The following SPDYE18 variants were observed in gnomAD, a reference collection of about 807,000 sequenced individuals.
SPDYE18 encodes the protein speedy protein E18.
Under a neutral mutation model 44.9 loss-of-function variants are expected in SPDYE18, and 6 were observed. That is an observed-to-expected ratio of 0.13 (90% confidence interval 0.07 to 0.26). The LOEUF is 0.26. Ranked by LOEUF, SPDYE18 falls within the 10% of genes least tolerant of loss-of-function variation. SPDYE18 has a pLI of 1.00. For missense variants in SPDYE18, 121 were observed against 463.2 expected (o/e 0.26, Z 6.78); for synonymous variants, 35 against 177.1 (o/e 0.20, Z 6.37).
Position 77,051,834 on chromosome 7 carries a change from A to G in SPDYE18, c.*91T>C, listed in dbSNP as rs1372753958. ...TCCTGTTGTCTGCCATTAGCATTGG[A>G]ATAAAGTTCCTGCTGAAAATCCACA... On this transcript the variant is annotated 3_prime_UTR_variant, in exon 9 of 9. Coordinates refer to ENST00000510091, the MANE Select transcript of SPDYE18 (RefSeq NM_001394953.1). 6.6e-6 allele frequency among the ~76,000 whole-genome samples: 1 copy of G among 151,828 alleles called. No homozygotes were observed. Among genetic ancestry groups the G allele is most frequent in the Non-Finnish European group, 1.5e-5 (1 of 67,976 alleles).
chr7:77,052,193 C>G (rs1363722184), intron 8 of SPDYE18, among the ~76,000 whole-genome samples: 3 of 148,082 alleles, frequency 2.0e-5, no homozygotes, highest in Admixed American at 7.0e-5. Flanking sequence ...TTCATCATAG[C>G]TGGGGCCTTT....
chr7:77,056,966 C>T (rs1789932676), intron 4 of SPDYE18, among the ~76,000 whole-genome samples: 1 of 152,196 alleles, frequency 6.6e-6, no homozygotes, highest in East Asian at 1.9e-4. Context: ...GCCTTGGGAT[C>T]CCCCACTATG....
Position 77,060,241 on chromosome 7 carries a change from C to T in SPDYE18, c.160+112G>A. 4.0e-5 allele frequency: 59 copies of T among 1,492,180 alleles called. 1 individual carries two copies. Among genetic ancestry groups the T allele is most frequent in the Non-Finnish European group, 5.2e-5 (59 of 1,124,716 alleles). The allele number at this position is 1,492,180 out of a possible 1,614,324, so 92.4% of individuals were successfully genotyped here. On this transcript the variant is annotated intron_variant, in intron 2 of 8. Transcript: ENST00000510091. Reference sequence around the variant, plus strand: ...TGAACTCCTGACCTCAGGTGATTCGCCCGCCTCGGCCTCCCAAAGTGCTGG... The same window carrying T: ...TGAACTCCTGACCTCAGGTGATTCGTCCGCCTCGGCCTCCCAAAGTGCTGG...
Position 77,053,127 on chromosome 7 carries a change from G to T in SPDYE18, c.832C>A (p.Arg278Ser), listed in dbSNP as rs549165859. The change falls in exon 7 of 9, where the codon CGC (arginine) becomes AGC (serine). Residue 278 changes from arginine to serine, a missense_variant. Transcript: ENST00000510091. ...TTACGGACCAAGGGTATGCGAGAGCGGGTCTTCCCATACAGGAAGTAGAAG... is the reference window on the plus strand; with the variant it reads ...TTACGGACCAAGGGTATGCGAGAGCTGGTCTTCCCATACAGGAAGTAGAAG... ...NIFYFLYGKT[R>S]SRIPLVRNRR... 6.2e-7 allele frequency: 1 copy of T among 1,614,162 alleles called. No individual in the cohort carries two copies. Among genetic ancestry groups the T allele is most frequent in the Non-Finnish European group, 8.5e-7 (1 of 1,180,018 alleles).
At chr7:77,054,597 T>C (rs556299454) in intron 6 of SPDYE18, among the ~76,000 whole-genome samples, 303 of 152,174 alleles carry the variant, frequency 2.0e-3, no homozygotes, top group Admixed American at 7.5e-3. Context: ...TCGATGGCGT[T>C]TGTGGTTGAT....
Position 77,060,801 on chromosome 7 carries a change from T to C in SPDYE18, c.-289A>G, listed in dbSNP as rs1445200604. ...CTGCCACTGTCCCAACCTCAGACCATTGTCCAAAAGCATCTTCAGGGACTC... is the reference window on the plus strand; with the variant it reads ...CTGCCACTGTCCCAACCTCAGACCACTGTCCAAAAGCATCTTCAGGGACTC... On this transcript the variant is annotated 5_prime_UTR_variant, in exon 2 of 9. It removes an upstream start codon present in the reference 5' UTR. Transcript: ENST00000510091. Among the ~76,000 whole-genome samples, 3 of 150,724 alleles carry C rather than the reference T, an allele frequency of 2.0e-5. No individual in the cohort carries two copies. Among genetic ancestry groups the C allele is most frequent in the Non-Finnish European group, 4.4e-5 (3 of 67,730 alleles).
intron 6 of SPDYE18, among the ~76,000 whole-genome samples, chr7:77,054,662 G>A (rs1179037031): frequency 2.6e-5 from 4 of 152,202 alleles, no homozygotes; most frequent in Admixed American, 1.3e-4. Context: ...TGGAGGAAGC[G>A]GCATGTCCGC....
intron 6 of SPDYE18, among the ~76,000 whole-genome samples, chr7:77,053,914 G>T (rs1789867802): frequency 6.8e-6 from 1 of 146,542 alleles, no homozygotes; most frequent in African/African-American, 2.5e-5. Flanking sequence ...AGAAGCTGAG[G>T]TGGGAGGATC....
At chr7:77,058,553 A>G (rs1237183551) in intron 3 of SPDYE18, among the ~76,000 whole-genome samples, 1 of 140,678 alleles carries the variant, frequency 7.1e-6, no homozygotes, top group Non-Finnish European at 1.6e-5. Flanking sequence ...CTCACCCAGA[A>G]TGGAATGCAG....
intron 2 of SPDYE18, among the ~76,000 whole-genome samples, chr7:77,060,139 G>C (rs1330305426): frequency 6.7e-6 from 1 of 150,148 alleles, no homozygotes; most frequent in Admixed American, 6.7e-5. Context: ...GGGATTACAG[G>C]TGTGCACCAC....
chr7:77,060,384 C>G lies in SPDYE18; in HGVS notation c.129G>C (p.Glu43Asp). Residue 43 changes from glutamate (E) to aspartate (D), a missense_variant, in exon 2 of 9, where the codon GAG (glutamate) becomes GAC (aspartate). Glu to Asp is a conservative substitution (Grantham distance 45). Transcript: ENST00000510091. ...QRSTSGYPLQ[E>D]VVDDEVLGPS... ...GTCCCAACACTTCATCATCCACCAC[C>G]TCCTGGAGGGGGTACCCCGAGGTGC... The G allele has an allele frequency of 6.5e-7, 1 of 1,535,526 alleles. No individual in the cohort carries two copies. The highest frequency in any genetic ancestry group is 8.7e-7 in the Non-Finnish European group (1 of 1,146,894).
intron 5 of SPDYE18, 98 bp from the exon 6 acceptor site, chr7:77,055,419 C>T (rs1789903345): frequency 1.2e-6 from 1 of 838,586 alleles, no homozygotes; most frequent in African/African-American, 1.7e-5. Flanking sequence ...GGCTGCCCAT[C>T]AGAGAAGGGA....
rs1789770463 is a variant in SPDYE18 at position 77,050,618 on chromosome 7, G to A, written c.*1307C>T. Among the ~76,000 whole-genome samples, 1 of 151,978 alleles carries A rather than the reference G, an allele frequency of 6.6e-6. No individual in the cohort carries two copies. ...AAAATTTATTTTTACAAGAATTTAGGGGAACTACTACATAGCTATAAATGT... is the reference window on the plus strand; with the variant it reads ...AAAATTTATTTTTACAAGAATTTAGAGGAACTACTACATAGCTATAAATGT... On this transcript the variant is annotated 3_prime_UTR_variant, in exon 9 of 9. Coordinates refer to ENST00000510091, the MANE Select transcript of SPDYE18 (RefSeq NM_001394953.1).
rs553273957 is a variant in SPDYE18, at chr7:77,050,675, A to C, written c.*1250T>G. Among the ~76,000 whole-genome samples the C allele has an allele frequency of 9.9e-5, 15 of 152,280 alleles. No homozygotes were observed. Among genetic ancestry groups the C allele is most frequent in the Non-Finnish European group, 2.2e-4 (15 of 68,018 alleles). ...TATGTTAACTAAGTATCACAGATAA[A>C]AACCATGCTCCCTTCAGCAGCACGT... On this transcript the variant is annotated 3_prime_UTR_variant, in exon 9 of 9. Coordinates refer to ENST00000510091, the MANE Select transcript of SPDYE18 (RefSeq NM_001394953.1).
chr7:77,055,150 A>G, intron 6 of SPDYE18, 86 bp downstream of exon 6: 1 of 601,150 alleles, frequency 1.7e-6, no homozygotes. Context: ...AAATAGGTGA[A>G]AGAATAAATG....
chr7:77,056,513 G>T lies in SPDYE18; in HGVS notation c.669+37C>A, dbSNP rs1303440220. Reference sequence around the variant, plus strand: ...AGCTGCGCCCTCCCCCCAGCCATGCGTTGGAACAGGAACAGTTACATGGAG... The same window carrying T: ...AGCTGCGCCCTCCCCCCAGCCATGCTTTGGAACAGGAACAGTTACATGGAG... On this transcript the variant is annotated intron_variant, in intron 5 of 8. Coordinates refer to ENST00000510091, the MANE Select transcript of SPDYE18 (RefSeq NM_001394953.1). The T allele has an allele frequency of 6.0e-6, 4 of 667,962 alleles. No homozygotes were observed. The Admixed American group carries it at 9.1e-5, about 15-fold the overall frequency. The allele number at this position is 667,962 out of a possible 1,614,324, so 41.4% of individuals were successfully genotyped here. A position where few individuals can be genotyped will look rare whatever the true frequency, so the allele number is the denominator to read the frequency against.
In SPDYE18 at chr7:77,053,063, G is replaced by A. The variant is rs1789842534; in HGVS notation, c.896C>T (p.Ala299Val). 1 of 1,614,078 alleles carries A rather than the reference G, an allele frequency of 6.2e-7. No homozygotes were observed. The highest frequency in any genetic ancestry group is 8.5e-7 in the Non-Finnish European group (1 of 1,180,032). Residue 299 changes from alanine (A) to valine (V), a missense_variant, in exon 7 of 9, where the codon GCC becomes GTC. Transcript: ENST00000510091. ...FQLCRCLNPR[A>V]RKNRSQIALF... ...GGCTATCTGAGAGCGGTTCTTCCTG[G>A]CCCTCGGGTTCAAGCAACGGCATAA...
intron 4 of SPDYE18, among the ~76,000 whole-genome samples, chr7:77,057,186 G>T (rs1285128562): frequency 2.6e-5 from 4 of 152,276 alleles, no homozygotes; most frequent in Non-Finnish European, 5.9e-5. Flanking sequence ...TGCCTCCTGG[G>T]TTTAAGCGAT....
In SPDYE18 at chr7:77,062,479, G is replaced by GCTGGTTT. The variant is rs1790033370; in HGVS notation, c.-422+16_-422+17insAAACCAG. Among the ~76,000 whole-genome samples the GCTGGTTT allele has an allele frequency of 2.0e-5, 3 of 152,138 alleles. No individual in the cohort carries two copies. The highest frequency in any genetic ancestry group is 7.2e-5 in the African/African-American group (3 of 41,436). On this transcript the variant is annotated intron_variant, in intron 1 of 8. Transcript: ENST00000510091. ...CATCTTCAAGCCTGGTTTGATGGAG[G>GCTGGTTT]AATAGGGGCTGGTCACCTGCATTTC...
Sources: allele counts gnomAD v4.1 joint callset (sites outside exome capture counted in the v4.1 genomes callset), GRCh38; gene constraint gnomAD v4.1.1; transcripts MANE v1.5; gene names NCBI Gene and HGNC (gene_info 2026-07-23, HGNC 2026-07-21).